The following ASCC3 variants were observed in gnomAD, a reference collection of about 807,000 sequenced individuals.
The protein encoded by ASCC3 is ASC-1 complex subunit P200.
ASCC3 carries 158 observed loss-of-function variants against 256.3 expected under a neutral mutation model. The ratio of observed to expected loss-of-function variants is 0.62; its 90% CI spans 0.54 to 0.70. ASCC3 has a LOEUF of 0.70. ASCC3 is among the 30% of genes least tolerant of loss of function. The pLI is 0.00. For missense variants in ASCC3, 2,259 were observed against 2,626.0 expected, an observed-to-expected ratio of 0.86 and a Z score of 3.05; for synonymous variants, 948 against 883.4, an observed-to-expected ratio of 1.07 and a Z score of -1.30.
intron 30 of ASCC3, among the ~76,000 whole-genome samples, chr6:100,613,311 A>G (rs1275320471): frequency 6.6e-6 from 1 of 151,924 alleles, no homozygotes; most frequent in African/African-American, 2.4e-5. Flanking sequence ...ATTTGTATAA[A>G]TTAAATTTTT....
Position 100,595,559 on chromosome 6 carries a change from G to T in ASCC3, c.5304-5500C>A, listed in dbSNP as rs1307353753. Among the ~76,000 whole-genome samples, 5 of 152,108 alleles carry T rather than the reference G, an allele frequency of 3.3e-5. No individual in the cohort carries two copies. The East Asian group carries it at 9.6e-4, about 29-fold the overall frequency. The stretch of plus-strand genomic sequence containing the variant: ...TTTTGGGGGGCATCAAATAAAAAGG[G>T]TCATTTGAGTGAGTATGGCAGAGTT... On this transcript the variant is annotated intron_variant, in intron 34 of 41. Transcript: ENST00000369162.
chr6:100,536,099 CT>C (rs1195793772), intron 37 of ASCC3, among the ~76,000 whole-genome samples: 40 of 152,276 alleles, frequency 2.6e-4, no homozygotes, highest in African/African-American at 9.6e-4. Context: ...AAAAAAAGAA[CT>C]GTAAACAACT....
intron 3 of ASCC3, among the ~76,000 whole-genome samples, chr6:100,851,159 A>G (rs1486930947): frequency 6.6e-6 from 1 of 152,192 alleles, no homozygotes; most frequent in African/African-American, 2.4e-5. Flanking sequence ...AACAGCTATT[A>G]CATCATTAAA....
At chr6:100,841,399 AAAGAT>A (rs1772138691) in intron 4 of ASCC3, among the ~76,000 whole-genome samples, 1 of 152,202 alleles carries the variant, frequency 6.6e-6, no homozygotes, top group South Asian at 2.1e-4. Context: ...TGAAAAAAGA[AAAGAT>A]AAAAGTCATG....
intron 10 of ASCC3, among the ~76,000 whole-genome samples, chr6:100,732,122 T>C (rs529418285): frequency 5.4e-5 from 8 of 149,164 alleles, no homozygotes; most frequent in Non-Finnish European, 1.0e-4. Flanking sequence ...GATCATGCCA[T>C]TGCACTCCAG....
At chr6:100,669,548 T>C (rs1409095628) in intron 14 of ASCC3, among the ~76,000 whole-genome samples, 1 of 151,662 alleles carries the variant, frequency 6.6e-6, no homozygotes, top group Non-Finnish European at 1.5e-5. Flanking sequence ...ATGCACTAAC[T>C]TAACTAAAAT....
chr6:100,533,550 G>GA (rs1273073664), intron 37 of ASCC3, among the ~76,000 whole-genome samples: 1 of 151,852 alleles, frequency 6.6e-6, no homozygotes, highest in Admixed American at 6.6e-5. Context: ...TATGACTTCT[G>GA]AAAAAAAACT....
chr6:100,611,635 T>C (rs762238257), intron 30 of ASCC3, among the ~76,000 whole-genome samples: 1 of 151,970 alleles, frequency 6.6e-6, no homozygotes. Flanking sequence ...ACTGAGTATA[T>C]GTCAAATGGA....
At chr6:100,611,083 G>T (rs1238387344) in intron 30 of ASCC3, among the ~76,000 whole-genome samples, 1 of 152,096 alleles carries the variant, frequency 6.6e-6, no homozygotes, top group Non-Finnish European at 1.5e-5. Context: ...TCTGGCAGAA[G>T]GTCTGGTGAG....
chr6:100,768,404 G>C (rs977345909), intron 8 of ASCC3, among the ~76,000 whole-genome samples: 5 of 152,078 alleles, frequency 3.3e-5, no homozygotes, highest in Admixed American at 6.5e-5. Flanking sequence ...CACTGGTTGG[G>C]ATTACTGGCA....
intron 36 of ASCC3, among the ~76,000 whole-genome samples, chr6:100,562,527 T>TA (rs1770008618): frequency 6.6e-6 from 1 of 152,122 alleles, no homozygotes; most frequent in East Asian, 1.9e-4. Context: ...AAATATCTAT[T>TA]AGAGTATGCA....
intron 30 of ASCC3, among the ~76,000 whole-genome samples, chr6:100,612,061 C>A (rs1773426706): frequency 6.6e-6 from 1 of 151,882 alleles, no homozygotes; most frequent in South Asian, 2.1e-4. Context: ...CTATGTTATT[C>A]TAGGTAGTGA....
chr6:100,655,819 C>A lies in ASCC3; in HGVS notation c.2704-1G>T. The A allele has an allele frequency of 6.2e-7, 1 of 1,610,582 alleles. No individual in the cohort carries two copies. Among genetic ancestry groups the A allele is most frequent in the Non-Finnish European group, 8.5e-7 (1 of 1,178,784 alleles). On this transcript the variant is annotated splice_acceptor_variant, in intron 16 of 41. Transcript: ENST00000369162. LOFTEE classifies it high-confidence loss of function. ...CATTAGTAACTGTTCCCAGAGCAATCTGCAAATCAAAAAGATGACAGAAAT... is the reference window on the plus strand; with the variant it reads ...CATTAGTAACTGTTCCCAGAGCAATATGCAAATCAAAAAGATGACAGAAAT...
At chr6:100,669,586 T>G (rs1407831253) in intron 14 of ASCC3, among the ~76,000 whole-genome samples, 1 of 151,842 alleles carries the variant, frequency 6.6e-6, no homozygotes, top group African/African-American at 2.4e-5. Flanking sequence ...GAGGGAATAC[T>G]AAAATTCATC....
chr6:100,542,770 A>G (rs903727756), intron 36 of ASCC3, among the ~76,000 whole-genome samples: 27 of 152,116 alleles, frequency 1.8e-4, no homozygotes, highest in African/African-American at 6.3e-4. Flanking sequence ...AAAGTGAAGA[A>G]TTTTCAAACA....
intron 13 of ASCC3, among the ~76,000 whole-genome samples, chr6:100,702,466 C>T (rs1461723576): frequency 6.6e-6 from 1 of 152,072 alleles, no homozygotes; most frequent in Non-Finnish European, 1.5e-5. Flanking sequence ...AGAGAAAAGG[C>T]CAGCCACACA....
rs764802132 is a variant in ASCC3, at chr6:100,651,590, G to A, written c.3045C>T (p.Val1015=). 6.3e-7 allele frequency: 1 copy of A among 1,584,862 alleles called. No individual in the cohort carries two copies. The highest frequency in any genetic ancestry group is 1.7e-5 in the Admixed American group (1 of 58,878). ...TTTGATCAAATTCTTCAGCTTTGGA[G>A]ACTATGGCAAAGATATCACCTTCTG... ...HKTEGDIFAI[V]SKAEEFDQIK... is the part of the protein sequence containing the mutation. Residue 1015 remains valine (V), a synonymous_variant, in exon 19 of 42, where the codon GTC becomes GTT. Coordinates refer to ENST00000369162, the MANE Select transcript of ASCC3 (RefSeq NM_006828.4).
At chr6:100,761,852 T>C (rs1562278620) in intron 10 of ASCC3, among the ~76,000 whole-genome samples, 1 of 152,200 alleles carries the variant, frequency 6.6e-6, no homozygotes, top group Non-Finnish European at 1.5e-5. Context: ...ATATAATTTA[T>C]AGATATACAG....
chr6:100,807,369 T>C (rs796677563), intron 4 of ASCC3, among the ~76,000 whole-genome samples: 80 of 136,240 alleles, frequency 5.9e-4, no homozygotes, highest in African/African-American at 1.6e-3. Context: ...GGATAAAGGA[T>C]GCTGGTAGAC....
Sources: gnomAD v4.1 joint callset for allele counts (sites outside exome capture counted in the v4.1 genomes callset) on GRCh38, gnomAD v4.1.1 for gene constraint, MANE v1.5 for transcripts, NCBI Gene and HGNC (gene_info 2026-07-23, HGNC 2026-07-21) for gene names.